GALNT14: variants seen among roughly 807,000 people sequenced by gnomAD.
GALNT14 encodes the protein UDP-GalNAc:polypeptide N-acetylgalactosaminyltransferase 14.
Under a neutral mutation model 77.5 loss-of-function variants are expected in GALNT14, and 60 were observed. The ratio of observed to expected loss-of-function variants is 0.77; its 90% CI spans 0.63 to 0.96. The LOEUF is 0.96. Ranked by LOEUF, GALNT14 falls within the 40% of genes least tolerant of loss-of-function variation. GALNT14 has a pLI of 0.00. For synonymous variants in GALNT14, 280 were observed against 281.7 expected (o/e 0.99, Z 0.06); for missense variants, 710 against 731.0 (o/e 0.97, Z 0.33).
At chr2:31,094,546 C>T (rs1439861114) in intron 1 of GALNT14, among the ~76,000 whole-genome samples, 1 of 152,194 alleles carries the variant, frequency 6.6e-6, no homozygotes, top group African/African-American at 2.4e-5. Flanking sequence ...GGCTCTTGAT[C>T]ACTCTTTTTG....
intron 7 of GALNT14, 118 bp from the exon 8 acceptor site, chr2:30,945,060 C>G (rs921762304): frequency 1.3e-6 from 1 of 798,284 alleles, no homozygotes; most frequent in Non-Finnish European, 1.8e-6. Context: ...TCAAAGAGGC[C>G]GGTCCCTGGG....
At chr2:31,057,017 A>C (rs1013117233) in intron 1 of GALNT14, among the ~76,000 whole-genome samples, 2 of 152,130 alleles carry the variant, frequency 1.3e-5, no homozygotes, top group East Asian at 3.9e-4. Context: ...ACCTCAGCGA[A>C]TTAACACGGG....
At chr2:30,895,676 C>A in the GALNT14 span, among the ~76,000 whole-genome samples, 1 of 151,906 alleles carries the variant, frequency 6.6e-6, no homozygotes, top group African/African-American at 2.4e-5. Flanking sequence ...ACTCAGCCCT[C>A]CAATTCTCTG....
intron 1 of GALNT14, among the ~76,000 whole-genome samples, chr2:31,050,410 C>T (rs983206352): frequency 5.3e-5 from 8 of 152,042 alleles, no homozygotes; most frequent in South Asian, 4.1e-4. Flanking sequence ...CAGCAGCTTC[C>T]GGTCAGTGTC....
chr2:30,978,698 G>A (rs1668795747), intron 2 of GALNT14, among the ~76,000 whole-genome samples: 1 of 152,206 alleles, frequency 6.6e-6, no homozygotes, highest in Admixed American at 6.5e-5. Flanking sequence ...AGCTTGAGAA[G>A]GAATCACGAG....
intron 1 of GALNT14, among the ~76,000 whole-genome samples, chr2:31,004,415 G>A (rs1309850676): frequency 6.6e-6 from 1 of 152,244 alleles, no homozygotes; most frequent in Non-Finnish European, 1.5e-5. Flanking sequence ...GATGTAGGTA[G>A]AGCAAAGCTG....
At chr2:30,984,114 CT>C (rs1558465968) in intron 2 of GALNT14, among the ~76,000 whole-genome samples, 1 of 152,158 alleles carries the variant, frequency 6.6e-6, no homozygotes, top group Non-Finnish European at 1.5e-5. Flanking sequence ...GGACAGAGTC[CT>C]TTTCCAGGCC....
intron 1 of GALNT14, among the ~76,000 whole-genome samples, chr2:31,130,685 C>T (rs954839448): frequency 1.3e-5 from 2 of 150,954 alleles, no homozygotes; most frequent in African/African-American, 4.9e-5. Flanking sequence ...AACCAAAATA[C>T]CAGAGCCAGC....
At chr2:30,889,769 A>C in the GALNT14 span, among the ~76,000 whole-genome samples, 1 of 152,232 alleles carries the variant, frequency 6.6e-6, no homozygotes, top group Admixed American at 6.5e-5. Context: ...TTGTATACTT[A>C]AAGGCCTTTG....
At chr2:30,941,902 T>C (rs1023921811) in intron 9 of GALNT14, among the ~76,000 whole-genome samples, 2 of 152,234 alleles carry the variant, frequency 1.3e-5, no homozygotes, top group African/African-American at 4.8e-5. Context: ...TTGGTCTTCC[T>C]GGCTGTTGCA....
intron 1 of GALNT14, among the ~76,000 whole-genome samples, chr2:31,068,521 A>AAAAAG (rs1558543194): frequency 2.0e-5 from 3 of 151,452 alleles, no homozygotes; most frequent in East Asian, 1.9e-4. Context: ...AAAAAAAAAA[A>AAAAAG]AAAAGAAAAG....
At chr2:31,051,372 A>G (rs922397768) in intron 1 of GALNT14, among the ~76,000 whole-genome samples, 1 of 152,212 alleles carries the variant, frequency 6.6e-6, no homozygotes, top group African/African-American at 2.4e-5. Context: ...CCTCCATAAT[A>G]TGGGTGGGCC....
chr2:31,120,156 A>G (rs1054500771), intron 1 of GALNT14, among the ~76,000 whole-genome samples: 4 of 75,408 alleles, frequency 5.3e-5, no homozygotes, highest in African/African-American at 5.2e-4. Flanking sequence ...ACTCCGTCTC[A>G]AAAAAAAAAA....
chr2:31,114,083 A>T (rs1677975189), intron 1 of GALNT14, among the ~76,000 whole-genome samples: 1 of 152,168 alleles, frequency 6.6e-6, no homozygotes, highest in South Asian at 2.1e-4. Flanking sequence ...AAAAACTCTT[A>T]GTCTGTAAAA....
intron 1 of GALNT14, among the ~76,000 whole-genome samples, chr2:31,091,404 A>C (rs1301036503): frequency 6.6e-6 from 1 of 152,240 alleles, no homozygotes; most frequent in African/African-American, 2.4e-5. Flanking sequence ...GACAGAGACC[A>C]TAAGGCCTGT....
intron 11 of GALNT14, among the ~76,000 whole-genome samples, chr2:30,928,455 C>T (rs1215903325): frequency 1.3e-5 from 2 of 152,152 alleles, no homozygotes; most frequent in East Asian, 3.9e-4. Flanking sequence ...ACCATCCCCC[C>T]TCTGCCATGG....
chr2:31,039,576 G>C (rs988548306), intron 1 of GALNT14, among the ~76,000 whole-genome samples: 3 of 152,100 alleles, frequency 2.0e-5, no homozygotes, highest in African/African-American at 7.2e-5. Context: ...CTTACTGAGG[G>C]TCCAATATGC....
intron 1 of GALNT14, among the ~76,000 whole-genome samples, chr2:31,123,038 C>T (rs1006914905): frequency 1.3e-5 from 2 of 151,904 alleles, no homozygotes; most frequent in African/African-American, 4.8e-5. Flanking sequence ...AAAAATTAGC[C>T]GGGCGGGGTG....
At chr2:31,066,591 T>C (rs1255470888) in intron 1 of GALNT14, among the ~76,000 whole-genome samples, 4 of 152,050 alleles carry the variant, frequency 2.6e-5, no homozygotes, top group Admixed American at 2.6e-4. Flanking sequence ...GAAGTACATC[T>C]CGGCCAAAAC....
Sources: gnomAD v4.1 joint callset for allele counts (sites outside exome capture counted in the v4.1 genomes callset) on GRCh38, gnomAD v4.1.1 for gene constraint, MANE v1.5 for transcripts, NCBI Gene and HGNC (gene_info 2026-07-23, HGNC 2026-07-21) for gene names.